MYO3B: variants seen among roughly 807,000 people sequenced by gnomAD.
The protein encoded by MYO3B is myosin IIIB.
In MYO3B, 156 loss-of-function variants were observed where a neutral mutation model predicts 174.6. The observed-to-expected ratio is 0.89, with a 90% CI of 0.78 to 1.02. The LOEUF is 1.02. MYO3B is among the 50% of genes least tolerant of loss of function. MYO3B has a pLI of 0.00. For synonymous variants in MYO3B, 563 were observed against 569.1 expected (o/e 0.99, Z 0.15); for missense variants, 1,632 against 1,639.4 (o/e 1.00, Z 0.08).
chr2:170,418,365 G>A (rs569090527), intron 22 of MYO3B, among the ~76,000 whole-genome samples: 4 of 152,276 alleles, frequency 2.6e-5, no homozygotes, highest in Non-Finnish European at 5.9e-5. Flanking sequence ...CTTTTTATTA[G>A]CAGAGGCATT....
chr2:170,410,055 C>T, intron 22 of MYO3B, among the ~76,000 whole-genome samples: 1 of 152,198 alleles, frequency 6.6e-6, no homozygotes, highest in South Asian at 2.1e-4. Context: ...CTTGATGTTC[C>T]CACTAGAAGC....
chr2:170,524,384 T>C (rs974597734), intron 30 of MYO3B: 10 of 366,100 alleles, frequency 2.7e-5, no homozygotes, highest in African/African-American at 2.2e-4. Context: ...ACAGAATAAA[T>C]GGTGGGTCTG....
At chr2:170,635,975 A>G (rs1697431289) in intron 32 of MYO3B, among the ~76,000 whole-genome samples, 1 of 152,228 alleles carries the variant, frequency 6.6e-6, no homozygotes, top group Non-Finnish European at 1.5e-5. Flanking sequence ...AAAAATCACA[A>G]CTTAGATGAT....
At chr2:170,454,797 C>A (rs1320214545) in intron 23 of MYO3B, among the ~76,000 whole-genome samples, 2 of 152,114 alleles carry the variant, frequency 1.3e-5, no homozygotes, top group African/African-American at 2.4e-5. Context: ...TGTGGGAGAC[C>A]AGAGTTTTTT....
At chr2:170,219,329 T>C (rs1429376967) in intron 6 of MYO3B, among the ~76,000 whole-genome samples, 1 of 152,182 alleles carries the variant, frequency 6.6e-6, no homozygotes, top group Admixed American at 6.5e-5. Context: ...TAGTGCTTGA[T>C]ACAGAGTACA....
At chr2:170,332,444 A>G (rs959296016) in intron 7 of MYO3B, among the ~76,000 whole-genome samples, 2 of 152,200 alleles carry the variant, frequency 1.3e-5, no homozygotes, top group Non-Finnish European at 2.9e-5. Flanking sequence ...AAACAAAAGA[A>G]TAACCTACAT....
intron 30 of MYO3B, among the ~76,000 whole-genome samples, chr2:170,534,114 G>GT (rs1689532793): frequency 6.6e-6 from 1 of 152,122 alleles, no homozygotes; most frequent in Non-Finnish European, 1.5e-5. Flanking sequence ...CAGATGTTGT[G>GT]TTTTTTACGA....
intron 33 of MYO3B, 132 bp downstream of exon 33, chr2:170,651,866 C>A: frequency 1.7e-6 from 1 of 589,562 alleles, no homozygotes; most frequent in Admixed American, 3.1e-5. Context: ...TGTGCTTAGG[C>A]TCTTTATCTG....
chr2:170,234,643 C>A (rs2093051725), intron 6 of MYO3B, among the ~76,000 whole-genome samples: 1 of 152,230 alleles, frequency 6.6e-6, no homozygotes, highest in Non-Finnish European at 1.5e-5. Context: ...TCCCAGGCAT[C>A]TGAGGCTTAA....
At chr2:170,284,718 G>A (rs757859117) in intron 7 of MYO3B, among the ~76,000 whole-genome samples, 4 of 151,978 alleles carry the variant, frequency 2.6e-5, no homozygotes, top group African/African-American at 7.2e-5. Flanking sequence ...TCAAAATAAC[G>A]TTTTGAGAAA....
chr2:170,186,920 T>C (rs998216734), intron 1 of MYO3B, among the ~76,000 whole-genome samples: 7 of 152,068 alleles, frequency 4.6e-5, no homozygotes, highest in African/African-American at 1.2e-4. Context: ...TAGTTACTCA[T>C]AGTAGCCACT....
At chr2:170,259,578 G>A (rs2105346975) in intron 7 of MYO3B, among the ~76,000 whole-genome samples, 1 of 152,076 alleles carries the variant, frequency 6.6e-6, no homozygotes, top group South Asian at 2.1e-4. Flanking sequence ...TAAAAACTTA[G>A]GACCTAAAAC....
At chr2:170,320,778 A>G (rs1234918360) in intron 7 of MYO3B, among the ~76,000 whole-genome samples, 1 of 152,180 alleles carries the variant, frequency 6.6e-6, no homozygotes, top group Non-Finnish European at 1.5e-5. Context: ...TCTGACCACA[A>G]TGCATTACAA....
At chr2:170,558,843 G>C (rs767450401) in intron 32 of MYO3B, among the ~76,000 whole-genome samples, 5 of 152,142 alleles carry the variant, frequency 3.3e-5, no homozygotes, top group South Asian at 2.1e-4. Flanking sequence ...TGTGACTTTG[G>C]TCAAGTTAAC....
intron 32 of MYO3B, among the ~76,000 whole-genome samples, chr2:170,619,811 A>ATCTCAGC (rs2105326785): frequency 8.6e-6 from 1 of 116,632 alleles, no homozygotes; most frequent in South Asian, 3.0e-4. Flanking sequence ...CGGTGGGGTG[A>ATCTCAGC]TCTCAGCTCA....
Position 170,223,140 on chromosome 2 carries a change from T to C in MYO3B, c.603+5745T>C, listed in dbSNP as rs78741560. ...CTCAGGCAAAGCATTTTTAAAATTA[T>C]TATTATCTCCTGAGATGTTTGGCCA... is the stretch of plus-strand genomic sequence containing the variant. On this transcript the variant is annotated intron_variant, in intron 6 of 34. Coordinates refer to ENST00000408978, the MANE Select transcript of MYO3B (RefSeq NM_138995.5). 5.6e-3 allele frequency among the ~76,000 whole-genome samples: 857 copies of C among 152,276 alleles called. 18 individuals are homozygous for C. In the East Asian group the frequency reaches 0.078, roughly 14 times the overall value.
At chr2:170,459,950 G>A (rs1040366528) in intron 23 of MYO3B, among the ~76,000 whole-genome samples, 25 of 152,104 alleles carry the variant, frequency 1.6e-4, no homozygotes, top group African/African-American at 6.0e-4. Flanking sequence ...CCCCCACCCG[G>A]AACTCATGCT....
intron 7 of MYO3B, among the ~76,000 whole-genome samples, chr2:170,247,717 C>G (rs1203206581): frequency 1.3e-5 from 2 of 152,164 alleles, no homozygotes; most frequent in African/African-American, 4.8e-5. Flanking sequence ...CTTGCTGTGT[C>G]TTCACATGGG....
At chr2:170,427,657 A>G (rs1191753508) in intron 22 of MYO3B, among the ~76,000 whole-genome samples, 2 of 152,042 alleles carry the variant, frequency 1.3e-5, no homozygotes, top group Non-Finnish European at 2.9e-5. Context: ...GCCTCTCCTT[A>G]TTTTCTGGAT....
Sources: allele counts gnomAD v4.1 joint callset (sites outside exome capture counted in the v4.1 genomes callset), GRCh38; gene constraint gnomAD v4.1.1; transcripts MANE v1.5; gene names NCBI Gene and HGNC (gene_info 2026-07-23, HGNC 2026-07-21).